Variants in PLCB1 observed in about 807,000 individuals in gnomAD.
The protein encoded by PLCB1 is 1-phosphatidylinositol 4,5-bisphosphate phosphodiesterase beta-1.
A neutral mutation model predicts 161.8 loss-of-function variants in PLCB1; 46 were observed. That is an observed-to-expected ratio of 0.28 (90% confidence interval 0.22 to 0.36). The LOEUF (loss-of-function observed/expected upper bound fraction) is 0.36. Among genes scored for constraint, PLCB1 ranks in the 10% least tolerant of loss-of-function variants. PLCB1 has a pLI of 1.00. For synonymous variants in PLCB1, 517 were observed against 503.7 expected (o/e 1.03, Z -0.35); for missense variants, 1,016 against 1,472.5 (o/e 0.69, Z 5.07).
In PLCB1 at chr20:8,132,633, GGAGCCCAGAT is replaced by G. The variant is rs1368931709; in HGVS notation, c.-7_3del. ...CCTGCCGCGCTCGCCCGGGCCGCCC[GGAGCCCAGAT>G]GAGCCCAGATGGCCGGGGCTCAACC... On this transcript the variant is annotated 5_prime_UTR_variant, in exon 1 of 32. The change abolishes an upstream ATG in the 5' untranslated region. Transcript: ENST00000338037. This position sits in a 1 kb window ranked among gnomAD's most constrained non-coding sequence, Gnocchi z 5.2. 8 of 1,585,102 alleles carry G rather than the reference GGAGCCCAGAT, an allele frequency of 5.0e-6. No homozygotes were observed. Among genetic ancestry groups the G allele is most frequent in the Non-Finnish European group, 5.2e-6 (6 of 1,162,838 alleles).
intron 3 of PLCB1, among the ~76,000 whole-genome samples, chr20:8,404,434 C>T (rs1355974493): frequency 2.6e-5 from 4 of 152,152 alleles, no homozygotes; most frequent in African/African-American, 9.7e-5. Context: ...TCTCCTGGCA[C>T]CGAACTGAAA....
intron 7 of PLCB1, among the ~76,000 whole-genome samples, chr20:8,656,769 GAAA>G (rs901573793): frequency 8.4e-6 from 1 of 119,348 alleles, no homozygotes; most frequent in Non-Finnish European, 1.8e-5. Flanking sequence ...CTTAAAAAAA[GAAA>G]AAAAAAGATT....
intron 2 of PLCB1, among the ~76,000 whole-genome samples, chr20:8,322,463 G>A (rs1361579275): frequency 1.3e-5 from 2 of 151,526 alleles, no homozygotes; most frequent in African/African-American, 2.4e-5. Context: ...GGAGTAAAGT[G>A]TAAAATTTTT....
chr20:8,651,509 C>T lies in PLCB1; in HGVS notation c.594+2060C>T, dbSNP rs762926223. 3.5e-5 allele frequency: 25 copies of T among 717,980 alleles called. No homozygotes were observed. The East Asian group carries it at 6.4e-4, about 18-fold the overall frequency. 44.5% of individuals were successfully genotyped at this position (717,980 alleles called of 1,614,324 possible). On this transcript the variant is annotated intron_variant, in intron 7 of 31. Transcript: ENST00000338037. ...TCATTTTATAAAGCAAAATAAAATG[C>T]TTGAACCTGCTTGCTATTGCTTTTT... is the stretch of plus-strand genomic sequence containing the variant.
intron 3 of PLCB1, among the ~76,000 whole-genome samples, chr20:8,528,831 G>A (rs1984682869): frequency 6.6e-6 from 1 of 151,686 alleles, no homozygotes. Flanking sequence ...AAAACAAGGG[G>A]CGAAAAGTGC....
intron 2 of PLCB1, among the ~76,000 whole-genome samples, chr20:8,367,545 G>T (rs567285551): frequency 8.5e-4 from 130 of 152,268 alleles, no homozygotes; most frequent in African/African-American, 2.8e-3. Flanking sequence ...GCTCAGTGTG[G>T]TAAAGTTATT....
chr20:8,455,597 C>T (rs1353740165), intron 3 of PLCB1, among the ~76,000 whole-genome samples: 4 of 151,788 alleles, frequency 2.6e-5, no homozygotes, highest in African/African-American at 9.6e-5. Context: ...CCCGCCACCA[C>T]GCCCGGCTAA....
chr20:8,472,737 A>T (rs1982110204), intron 3 of PLCB1, among the ~76,000 whole-genome samples: 1 of 152,178 alleles, frequency 6.6e-6, no homozygotes, highest in Non-Finnish European at 1.5e-5. Context: ...AGTATGGTGA[A>T]GAATTGAAGA....
chr20:8,463,930 T>G (rs1981700597), intron 3 of PLCB1, among the ~76,000 whole-genome samples: 1 of 152,174 alleles, frequency 6.6e-6, no homozygotes, highest in Non-Finnish European at 1.5e-5. Flanking sequence ...ATCTCTGACT[T>G]TGCATTTGGG....
At chr20:8,372,988 C>T (rs757973510) in intron 3 of PLCB1, among the ~76,000 whole-genome samples, 14 of 152,222 alleles carry the variant, frequency 9.2e-5, no homozygotes, top group South Asian at 4.2e-4. Context: ...TCTTTTATTG[C>T]GGTACACAGC....
At chr20:8,498,492 C>A (rs1485142427) in intron 3 of PLCB1, among the ~76,000 whole-genome samples, 1 of 152,142 alleles carries the variant, frequency 6.6e-6, no homozygotes, top group Non-Finnish European at 1.5e-5. Flanking sequence ...CAACTATGAA[C>A]CCTTCTGAGA....
At chr20:8,537,545 C>T (rs1198296940) in intron 3 of PLCB1, among the ~76,000 whole-genome samples, 1 of 152,090 alleles carries the variant, frequency 6.6e-6, no homozygotes, top group African/African-American at 2.4e-5. Flanking sequence ...CCCAGGGTCA[C>T]CTGACTTTCT....
chr20:8,242,372 C>A (rs1980661442), intron 2 of PLCB1, among the ~76,000 whole-genome samples: 1 of 151,850 alleles, frequency 6.6e-6, no homozygotes, highest in African/African-American at 2.4e-5. Context: ...GGAGCAGGTT[C>A]TTTTATATCA....
chr20:8,883,259 T>TA lies in PLCB1; in HGVS notation c.*1417dup, dbSNP rs952389332. Reference sequence around the variant, plus strand: ...GACACATTTCTATTTTATTCTAACATAAAAAAACTTCCATTATATATTTAC... The same window carrying TA: ...GACACATTTCTATTTTATTCTAACATAAAAAAAACTTCCATTATATATTTAC... On this transcript the variant is annotated 3_prime_UTR_variant, in exon 32 of 32. Transcript: ENST00000338037. 5 of 152,032 alleles carry TA rather than the reference T, an allele frequency of 3.3e-5. No homozygotes were observed. Among genetic ancestry groups the TA allele is most frequent in the Admixed American group, 2.6e-4 (4 of 15,262 alleles). 9.4% of individuals were successfully genotyped at this position (152,032 alleles called of 1,614,324 possible).
chr20:8,526,049 G>A (rs1377935771), intron 3 of PLCB1, among the ~76,000 whole-genome samples: 1 of 152,018 alleles, frequency 6.6e-6, no homozygotes, highest in Non-Finnish European at 1.5e-5. Flanking sequence ...CATATGAGTG[G>A]CTTATGAAAC....
intron 2 of PLCB1, chr20:8,249,648 C>T (rs2123220210): frequency 6.6e-6 from 1 of 152,072 alleles, no homozygotes; most frequent in Middle Eastern, 3.4e-3. Context: ...TTTCCCTTTG[C>T]TCTGTGCTTC....
At chr20:8,313,518 CT>C (rs1984504072) in intron 2 of PLCB1, among the ~76,000 whole-genome samples, 1 of 151,946 alleles carries the variant, frequency 6.6e-6, no homozygotes, top group Admixed American at 6.6e-5. Context: ...CATAAGGTCA[CT>C]GTAGGAGGTC....
intron 31 of PLCB1, among the ~76,000 whole-genome samples, chr20:8,881,328 C>CCTGTGTGT (rs1555797331): frequency 1.6e-5 from 2 of 128,860 alleles, no homozygotes; most frequent in Admixed American, 1.5e-4. Context: ...TCAAAAGACC[C>CCTGTGTGT]GTGTGTGTGT....
intron 3 of PLCB1, among the ~76,000 whole-genome samples, chr20:8,457,726 A>G (rs1319945602): frequency 3.4e-4 from 52 of 151,344 alleles, no homozygotes; most frequent in South Asian, 4.2e-4. Context: ...ACACACACAC[A>G]CACACACACA....
Sources: gnomAD v4.1 joint callset for allele counts (sites outside exome capture counted in the v4.1 genomes callset) on GRCh38, gnomAD v4.1.1 for gene constraint, Gnocchi (gnomAD v3.1) non-coding constraint, MANE v1.5 for transcripts, NCBI Gene and HGNC (gene_info 2026-07-23, HGNC 2026-07-21) for gene names.